The following PAN3 variants were observed in gnomAD, a reference collection of about 807,000 sequenced individuals.
PAN3 encodes the protein PAN2-PAN3 deadenylation complex subunit PAN3.
In PAN3, 19 loss-of-function variants were observed where a neutral mutation model predicts 96.2. The observed-to-expected ratio is 0.20, with a 90% CI of 0.14 to 0.29. The LOEUF (loss-of-function observed/expected upper bound fraction) is 0.29. PAN3 is among the 10% of genes least tolerant of loss of function. The probability of loss-of-function intolerance (pLI) is 1.00; values close to 1 mark genes in which losing one functional copy is unlikely to be tolerated. For missense variants in PAN3, 882 were observed against 1,108.1 expected (o/e 0.80, Z 2.90); for synonymous variants, 433 against 406.6 (o/e 1.06, Z -0.78).
chr13:28,258,357 C>G (rs1417082290), intron 7 of PAN3, among the ~76,000 whole-genome samples: 1 of 152,040 alleles, frequency 6.6e-6, no homozygotes, highest in Non-Finnish European at 1.5e-5. Context: ...TAAAACTGAA[C>G]TTTGATTTTG....
intron 4 of PAN3, among the ~76,000 whole-genome samples, chr13:28,193,862 A>G (rs1236332010): frequency 1.3e-5 from 2 of 151,950 alleles, no homozygotes; most frequent in Non-Finnish European, 2.9e-5. Flanking sequence ...AACTGTGTCA[A>G]AAGTACATTT....
intron 12 of PAN3, among the ~76,000 whole-genome samples, chr13:28,269,477 G>A (rs1475594772): frequency 2.7e-5 from 4 of 149,324 alleles, no homozygotes; most frequent in Non-Finnish European, 5.9e-5. Flanking sequence ...AAAAAAAAAA[G>A]CAAAGTATAA....
chr13:28,217,676 C>T lies in PAN3; in HGVS notation c.853-2555C>T, dbSNP rs368450195. Among the ~76,000 whole-genome samples the T allele has an allele frequency of 2.3e-4, 35 of 151,702 alleles. No homozygotes were observed. The East Asian group carries it at 4.1e-3, about 18-fold the overall frequency. On this transcript the variant is annotated intron_variant, in intron 5 of 18. Transcript: ENST00000380958. ...ATGAACATTAATTTTTTTAAAATGT[C>T]CACTTAGAACTATTTAAAATATAAA...
intron 4 of PAN3, among the ~76,000 whole-genome samples, chr13:28,181,274 T>C (rs191420501): frequency 6.6e-6 from 1 of 152,070 alleles, no homozygotes; most frequent in Admixed American, 6.6e-5. Flanking sequence ...TTTGGGAGGC[T>C]GAGGCTCGAG....
At chr13:28,252,321 A>G (rs1292266074) in intron 6 of PAN3, among the ~76,000 whole-genome samples, 1 of 147,524 alleles carries the variant, frequency 6.8e-6, no homozygotes, top group Non-Finnish European at 1.5e-5. Context: ...TTAGTCTCTC[A>G]TTTTCCAGAA....
Position 28,138,664 on chromosome 13 carries a change from A to G in PAN3, c.7A>G (p.Ser3Gly). 2 of 675,024 alleles carry G rather than the reference A, an allele frequency of 3.0e-6. No homozygotes were observed. Among genetic ancestry groups the G allele is most frequent in the Non-Finnish European group, 4.4e-6 (2 of 456,396 alleles). 41.8% of individuals were successfully genotyped at this position (675,024 alleles called of 1,614,324 possible). The change falls in exon 1 of 19, where the codon AGT becomes GGT. Residue 3 changes from serine (S) to glycine (G), a missense_variant. By Grantham distance (56) the Ser-to-Gly change is moderately conservative (BLOSUM62 0). Transcript: ENST00000380958. MN[S>G]GGGLPPPSAA... ...ACGAGGCTGCGGCGTTGCCATGAAC[A>G]GTGGCGGCGGCCTCCCGCCCCCCTC...
intron 4 of PAN3, among the ~76,000 whole-genome samples, chr13:28,195,175 G>A (rs1179107955): frequency 2.0e-5 from 3 of 152,126 alleles, no homozygotes; most frequent in Admixed American, 6.5e-5. Context: ...TTTGGGAGGT[G>A]GTGGATGGCT....
chr13:28,242,848 A>C (rs1883810380), intron 6 of PAN3, among the ~76,000 whole-genome samples: 1 of 152,100 alleles, frequency 6.6e-6, no homozygotes, highest in Non-Finnish European at 1.5e-5. Context: ...CTTTCCACAA[A>C]GTTTTGTAAT....
At chr13:28,222,538 A>G (rs1323488528) in intron 6 of PAN3, among the ~76,000 whole-genome samples, 3 of 152,182 alleles carry the variant, frequency 2.0e-5, no homozygotes, top group African/African-American at 7.2e-5. Flanking sequence ...ATTATTTTGC[A>G]TTAATTATTT....
chr13:28,188,432 C>T (rs1049037238), intron 4 of PAN3, among the ~76,000 whole-genome samples: 1 of 152,044 alleles, frequency 6.6e-6, no homozygotes, highest in African/African-American at 2.4e-5. Flanking sequence ...GACCTGGTCT[C>T]CACAAAAAAT....
intron 1 of PAN3, among the ~76,000 whole-genome samples, chr13:28,148,231 A>C (rs1870928115): frequency 6.6e-6 from 1 of 151,930 alleles, no homozygotes; most frequent in Non-Finnish European, 1.5e-5. Flanking sequence ...GTTGGAATTA[A>C]AGACCACCAC....
chr13:28,280,980 C>T (rs571843694), intron 16 of PAN3, among the ~76,000 whole-genome samples: 30 of 152,280 alleles, frequency 2.0e-4, no homozygotes, highest in Admixed American at 4.6e-4. Flanking sequence ...ATATTTTTGT[C>T]GGCACTGAAT....
At chr13:28,292,292 T>A (rs1383655198) in intron 18 of PAN3, 90 bp from the exon 19 acceptor site, 42 of 1,312,760 alleles carry the variant, frequency 3.2e-5, no homozygotes, top group Non-Finnish European at 4.3e-5. Flanking sequence ...ACAAAAAAAA[T>A]TTAGATATTT....
At chr13:28,181,124 T>G (rs1875713992) in intron 4 of PAN3, among the ~76,000 whole-genome samples, 1 of 152,204 alleles carries the variant, frequency 6.6e-6, no homozygotes, top group Non-Finnish European at 1.5e-5. Flanking sequence ...TAAACTCTAA[T>G]TCTTCTTCAT....
At chr13:28,227,105 G>A (rs1882085938) in intron 6 of PAN3, among the ~76,000 whole-genome samples, 1 of 152,196 alleles carries the variant, frequency 6.6e-6, no homozygotes, top group Non-Finnish European at 1.5e-5. Context: ...TTTACTAACA[G>A]TAGAACTGTA....
intron 4 of PAN3, among the ~76,000 whole-genome samples, chr13:28,180,834 A>G (rs879868442): frequency 2.0e-5 from 3 of 152,140 alleles, no homozygotes; most frequent in African/African-American, 4.8e-5. Flanking sequence ...TGCTATGTGG[A>G]CAAATTGAAA....
intron 1 of PAN3, among the ~76,000 whole-genome samples, chr13:28,143,255 G>T (rs9551447): frequency 0.29 from 44,393 of 151,816 alleles, 9,259 homozygotes; most frequent in African/African-American, 0.59. Context: ...TGTAGCTTAC[G>T]TAACATTTCG....
intron 1 of PAN3, among the ~76,000 whole-genome samples, chr13:28,144,211 GTTTTTTTTTTTTTT>G (rs972669575): frequency 1.7e-4 from 17 of 101,530 alleles, no homozygotes; most frequent in South Asian, 3.2e-4. Flanking sequence ...AAGTTTTTTT[GTTTTTTTTTTTTTT>G]TTTTTTTTTG....
At chr13:28,180,110 T>G (rs1875570890) in intron 4 of PAN3, among the ~76,000 whole-genome samples, 1 of 152,164 alleles carries the variant, frequency 6.6e-6, no homozygotes, top group African/African-American at 2.4e-5. Context: ...TTTTGTGACC[T>G]ATGGCCAACT....
Sources: allele counts gnomAD v4.1 joint callset (sites outside exome capture counted in the v4.1 genomes callset), GRCh38; gene constraint gnomAD v4.1.1; transcripts MANE v1.5; gene names NCBI Gene and HGNC (gene_info 2026-07-23, HGNC 2026-07-21).